ZBTB40: variants seen among roughly 807,000 people sequenced by gnomAD.
ZBTB40 encodes the protein zinc finger and BTB domain containing 40.
ZBTB40 carries 60 observed loss-of-function variants against 117.5 expected under a neutral mutation model. That is an observed-to-expected ratio of 0.51 (90% CI 0.41 to 0.63). The LOEUF (loss-of-function observed/expected upper bound fraction) is 0.63, where lower values mean the gene tolerates loss of function less well. Among genes scored for constraint, ZBTB40 ranks in the 30% least tolerant of loss-of-function variants. The pLI is 0.00. For synonymous variants in ZBTB40, 525 were observed against 577.1 expected (o/e 0.91, Z 1.29); for missense variants, 1,287 against 1,498.5 (o/e 0.86, Z 2.33).
intron 1 of ZBTB40, among the ~76,000 whole-genome samples, chr1:22,460,168 C>T (rs1432358397): frequency 1.3e-5 from 2 of 152,104 alleles, no homozygotes; most frequent in Non-Finnish European, 2.9e-5. Flanking sequence ...GTCCTGCGTA[C>T]AGTTCAGTCA....
At chr1:22,504,712 A>C (rs1414597044) in intron 5 of ZBTB40, among the ~76,000 whole-genome samples, 1 of 152,248 alleles carries the variant, frequency 6.6e-6, no homozygotes, top group Non-Finnish European at 1.5e-5. Flanking sequence ...AAGAGTTGGT[A>C]TTATCTTCTT....
At chr1:22,504,385 G>A (rs1287267826) in intron 5 of ZBTB40, among the ~76,000 whole-genome samples, 1 of 152,164 alleles carries the variant, frequency 6.6e-6, no homozygotes, top group African/African-American at 2.4e-5. Context: ...CTTACTGTGT[G>A]CCAGGCAGTG....
At chr1:22,451,114 A>C (rs1157252232), upstream of ZBTB40, among the ~76,000 whole-genome samples, 1 of 152,232 alleles carries the variant, frequency 6.6e-6, no homozygotes, top group Non-Finnish European at 1.5e-5. Flanking sequence ...AAAGCCCCTA[A>C]ATCCCAAAAT....
chr1:22,474,369 C>T (rs954562927), intron 1 of ZBTB40, among the ~76,000 whole-genome samples: 3 of 152,188 alleles, frequency 2.0e-5, no homozygotes, highest in African/African-American at 7.2e-5. Flanking sequence ...ACATTGTTGC[C>T]TTTCAGGCCC....
chr1:22,433,725 A>G (rs1490840256), intron 1 of ZBTB40, among the ~76,000 whole-genome samples: 1 of 150,948 alleles, frequency 6.6e-6, no homozygotes, highest in East Asian at 2.0e-4. Context: ...CCCTATAAAG[A>G]TGCTTAGAGC....
At chr1:22,457,065 A>G (rs2124383524) in intron 1 of ZBTB40, among the ~76,000 whole-genome samples, 1 of 151,776 alleles carries the variant, frequency 6.6e-6, no homozygotes. Context: ...CAAGCCCAGG[A>G]GTTGAGGCTG....
Position 22,502,296 on chromosome 1 carries a change from C to G in ZBTB40, c.1025-3C>G, listed in dbSNP as rs761615804. On this transcript the variant is annotated splice_region_variant and splice_polypyrimidine_tract_variant and intron_variant, in intron 4 of 17. Transcript: ENST00000375647. ...TGTGTGTCTCTAACTCTTTCTCCCCCAGGGAGCACAGAGGAGGGAAAGACC... is the reference window on the plus strand; with the variant it reads ...TGTGTGTCTCTAACTCTTTCTCCCCGAGGGAGCACAGAGGAGGGAAAGACC... 6 of 1,613,058 alleles carry G rather than the reference C, an allele frequency of 3.7e-6. No homozygotes were observed. In the South Asian group the frequency reaches 6.6e-5, roughly 18 times the overall value.
chr1:22,462,520 TGTC>T (rs1167723766), intron 1 of ZBTB40, among the ~76,000 whole-genome samples: 1 of 152,236 alleles, frequency 6.6e-6, no homozygotes, highest in Admixed American at 6.5e-5. Context: ...TCCAAAATGT[TGTC>T]GTCTTTACGT....
intron 1 of ZBTB40, among the ~76,000 whole-genome samples, chr1:22,480,626 A>G (rs1455590435): frequency 6.6e-6 from 1 of 152,158 alleles, no homozygotes; most frequent in African/African-American, 2.4e-5. Context: ...CTGGGATTAC[A>G]GGCGTGAGCC....
At chr1:22,464,308 T>TGAAAGCCGTGGGCCCTCTCCCC (rs1348643145) in intron 1 of ZBTB40, among the ~76,000 whole-genome samples, 1 of 152,218 alleles carries the variant, frequency 6.6e-6, no homozygotes, top group Non-Finnish European at 1.5e-5. Context: ...ACATTGCTCA[T>TGAAAGCCGTGGGCCCTCTCCCC]GAAAGCCGTG....
intron 11 of ZBTB40, among the ~76,000 whole-genome samples, chr1:22,512,463 T>A (rs1358467348): frequency 6.6e-6 from 1 of 152,218 alleles, no homozygotes; most frequent in African/African-American, 2.4e-5. Context: ...CTGTTTACAG[T>A]GATAACCAGC....
At chr1:22,524,532 A>T in intron 17 of ZBTB40, 88 bp downstream of exon 17, 1 of 1,396,134 alleles carries the variant, frequency 7.2e-7, no homozygotes, top group Non-Finnish European at 9.9e-7. Context: ...GTACCCAGAG[A>T]TACTCTTTGG....
intron 1 of ZBTB40, among the ~76,000 whole-genome samples, chr1:22,489,143 G>A (rs945857575): frequency 2.0e-5 from 3 of 152,106 alleles, no homozygotes; most frequent in Non-Finnish European, 4.4e-5. Context: ...GGTAGTTGGA[G>A]GTCTACATCA....
Position 22,457,510 on chromosome 1 carries a change from C to T in ZBTB40, c.-70+5506C>T, listed in dbSNP as rs779229561. On this transcript the variant is annotated intron_variant, in intron 1 of 17. Coordinates refer to ENST00000375647, the MANE Select transcript of ZBTB40 (RefSeq NM_014870.4). ...ATTAGAGATTTTCCATCTGTCTGAC[C>T]CCTGGAGGCGTTTGCATGAGCGACC... is the stretch of plus-strand genomic sequence containing the variant. Among the ~76,000 whole-genome samples the T allele has an allele frequency of 1.2e-3, 182 of 152,176 alleles. 1 individual carries two copies. Among genetic ancestry groups the T allele is most frequent in the Non-Finnish European group, 1.0e-3 (71 of 67,998 alleles).
intron 1 of ZBTB40, among the ~76,000 whole-genome samples, chr1:22,480,172 C>T (rs976524550): frequency 2.6e-5 from 4 of 152,268 alleles, no homozygotes; most frequent in East Asian, 1.9e-4. Context: ...TCCCAAAGTG[C>T]TGGGATTACA....
At chr1:22,459,462 T>A (rs1262219200) in intron 1 of ZBTB40, among the ~76,000 whole-genome samples, 1 of 152,218 alleles carries the variant, frequency 6.6e-6, no homozygotes, top group Admixed American at 6.5e-5. Context: ...TATTAAAAAC[T>A]TTTTTCTTCA....
chr1:22,505,386 C>T (rs1292054212), intron 5 of ZBTB40, among the ~76,000 whole-genome samples: 2 of 152,110 alleles, frequency 1.3e-5, no homozygotes, highest in Non-Finnish European at 1.5e-5. Context: ...ACTCAAAATC[C>T]TCTAGCACAC....
At chr1:22,524,575 C>A in intron 17 of ZBTB40, 131 bp downstream of exon 17, 1 of 1,067,610 alleles carries the variant, frequency 9.4e-7, no homozygotes, top group Non-Finnish European at 1.4e-6. Context: ...GGACTTCTTA[C>A]AAAACAGAAC....
At chr1:22,438,859 T>TTTCA (rs1553128549) in intron 1 of ZBTB40, among the ~76,000 whole-genome samples, 2 of 152,090 alleles carry the variant, frequency 1.3e-5, no homozygotes, top group African/African-American at 4.8e-5. Flanking sequence ...TTTTATTTCA[T>TTTCA]TTTATTTATT....
Sources: gnomAD v4.1 joint callset for allele counts (sites outside exome capture counted in the v4.1 genomes callset) on GRCh38, gnomAD v4.1.1 for gene constraint, MANE v1.5 for transcripts, NCBI Gene and HGNC (gene_info 2026-07-23, HGNC 2026-07-21) for gene names.